BAALC: variants seen among roughly 807,000 people sequenced by gnomAD.
BAALC encodes BAALC binder of MAP3K1 and KLF4.
A neutral mutation model predicts 15.5 loss-of-function variants in BAALC; 9 were observed. The observed-to-expected ratio is 0.58, with a 90% CI of 0.35 to 1.02. The LOEUF is 1.02. BAALC is among the 50% of genes least tolerant of loss of function. The pLI, the probability that BAALC is intolerant of heterozygous loss-of-function variation, is 0.02. For synonymous variants in BAALC, 80 were observed against 74.6 expected, an observed-to-expected ratio of 1.07 and a Z score of -0.37; for missense variants, 201 against 192.4, an observed-to-expected ratio of 1.04 and a Z score of -0.27.
intron 1 of BAALC, among the ~76,000 whole-genome samples, chr8:103,184,453 G>T (rs1159359150): frequency 6.6e-6 from 1 of 152,186 alleles, no homozygotes; most frequent in Non-Finnish European, 1.5e-5. Flanking sequence ...GGCAGACAGT[G>T]TTAGGTACTT....
At chr8:103,145,226 C>T (rs936713481) in intron 1 of BAALC, among the ~76,000 whole-genome samples, 17 of 152,234 alleles carry the variant, frequency 1.1e-4, no homozygotes, top group Non-Finnish European at 2.1e-4. Flanking sequence ...GGAGGCTTTC[C>T]CATAACTTTA....
chr8:103,143,299 C>T (rs1469231628), intron 1 of BAALC, among the ~76,000 whole-genome samples: 3 of 152,114 alleles, frequency 2.0e-5, no homozygotes, highest in African/African-American at 7.2e-5. Flanking sequence ...ACCTCACCCA[C>T]CCCCTGCCAG....
In BAALC at chr8:103,229,138, T is replaced by C. The variant is rs1406630560; in HGVS notation, c.*1039T>C. On this transcript the variant is annotated 3_prime_UTR_variant, in exon 3 of 3. Coordinates refer to ENST00000309982, the MANE Select transcript of BAALC (RefSeq NM_024812.3). Reference sequence around the variant, plus strand: ...TATTCATACTGACATTAGATTGATGTGCACTGCATTAGAAATGAGGTAGCT... The same window carrying C: ...TATTCATACTGACATTAGATTGATGCGCACTGCATTAGAAATGAGGTAGCT... The C allele has an allele frequency of 6.6e-6, 1 of 152,204 alleles. No homozygotes were observed. Among genetic ancestry groups the C allele is most frequent in the Non-Finnish European group, 1.5e-5 (1 of 68,034 alleles). 9.4% of individuals were successfully genotyped at this position (152,204 alleles called of 1,614,324 possible).
chr8:103,222,363 T>C (rs1364515728), intron 2 of BAALC, among the ~76,000 whole-genome samples: 2 of 152,210 alleles, frequency 1.3e-5, no homozygotes, highest in East Asian at 1.9e-4. Context: ...GTCAAGAAAA[T>C]ATATTTTGGG....
intron 1 of BAALC, among the ~76,000 whole-genome samples, chr8:103,187,568 C>T (rs377031209): frequency 1.3e-5 from 2 of 152,102 alleles, no homozygotes; most frequent in Non-Finnish European, 2.9e-5. Flanking sequence ...TTAGAGTGGC[C>T]CCCAGGTAGT....
At chr8:103,185,735 G>T (rs1263862899) in intron 1 of BAALC, among the ~76,000 whole-genome samples, 1 of 152,164 alleles carries the variant, frequency 6.6e-6, no homozygotes. Context: ...TCCCCAAAAT[G>T]GTACCATTTT....
At chr8:103,165,455 G>A (rs1439976024) in intron 1 of BAALC, 1 of 152,186 alleles carries the variant, frequency 6.6e-6, no homozygotes, top group African/African-American at 2.4e-5. Flanking sequence ...GGAGTAAGGT[G>A]AAGGAAAAGC....
chr8:103,213,362 T>C (rs968548935), intron 2 of BAALC: 2 of 337,500 alleles, frequency 5.9e-6, no homozygotes, highest in Admixed American at 7.9e-5. Context: ...ATGTTGATGG[T>C]GAGGACTGTG....
At chr8:103,156,501 A>G (rs1027708666) in intron 1 of BAALC, among the ~76,000 whole-genome samples, 1 of 152,140 alleles carries the variant, frequency 6.6e-6, no homozygotes, top group East Asian at 1.9e-4. Flanking sequence ...GAATGTTGGG[A>G]TGCCTTAATC....
chr8:103,197,349 T>G (rs1586422409), intron 1 of BAALC, among the ~76,000 whole-genome samples: 1 of 150,682 alleles, frequency 6.6e-6, no homozygotes, highest in African/African-American at 2.4e-5. Context: ...AAAAAAGAGG[T>G]GGCAGGGAGT....
intron 1 of BAALC, among the ~76,000 whole-genome samples, chr8:103,164,933 TA>T (rs34378905): frequency 6.6e-6 from 1 of 152,126 alleles, no homozygotes; most frequent in Non-Finnish European, 1.5e-5. Flanking sequence ...ACCTGTCCCC[TA>T]AAAAGGCTTG....
intron 1 of BAALC, among the ~76,000 whole-genome samples, chr8:103,188,396 G>C (rs1811893137): frequency 6.6e-6 from 1 of 152,164 alleles, no homozygotes; most frequent in Non-Finnish European, 1.5e-5. Flanking sequence ...ACCCCGCACA[G>C]TCTGAAAGTG....
intron 1 of BAALC, among the ~76,000 whole-genome samples, chr8:103,155,494 G>A (rs925051649): frequency 2.0e-5 from 3 of 152,182 alleles, no homozygotes; most frequent in Non-Finnish European, 2.9e-5. Flanking sequence ...TTTTTACCCT[G>A]TATCGGCCAG....
At chr8:103,208,884 C>A (rs1484456677) in intron 1 of BAALC, among the ~76,000 whole-genome samples, 1 of 152,118 alleles carries the variant, frequency 6.6e-6, no homozygotes, top group Non-Finnish European at 1.5e-5. Flanking sequence ...TGTCCTTCAA[C>A]CCCCAGGAGG....
At chr8:103,219,796 G>A (rs900932480) in intron 2 of BAALC, among the ~76,000 whole-genome samples, 3 of 152,224 alleles carry the variant, frequency 2.0e-5, no homozygotes, top group Admixed American at 1.3e-4. Context: ...CAATTAGGGT[G>A]TGTTATTGTG....
At chr8:103,202,647 G>C (rs186243359) in intron 1 of BAALC, among the ~76,000 whole-genome samples, 8 of 152,328 alleles carry the variant, frequency 5.3e-5, no homozygotes, top group Admixed American at 5.2e-4. Flanking sequence ...TGGGAGGAAG[G>C]CTCTGGTAAA....
At chr8:103,185,148 T>C (rs1330686842) in intron 1 of BAALC, among the ~76,000 whole-genome samples, 3 of 152,012 alleles carry the variant, frequency 2.0e-5, no homozygotes, top group African/African-American at 7.3e-5. Flanking sequence ...TTGCCTCTAT[T>C]GCAAAAGCGT....
chr8:103,226,829 A>C (rs900926732), intron 2 of BAALC, among the ~76,000 whole-genome samples: 1 of 152,110 alleles, frequency 6.6e-6, no homozygotes, highest in Non-Finnish European at 1.5e-5. Context: ...ACCTTATTTA[A>C]TCCATATAAA....
chr8:103,213,134 G>C, intron 2 of BAALC, 49 bp downstream of exon 2: 1 of 1,593,738 alleles, frequency 6.3e-7, no homozygotes, highest in Non-Finnish European at 8.6e-7. Flanking sequence ...ATGGGGGTAG[G>C]GCTTGCTTCA....
Sources: gnomAD v4.1 joint callset for allele counts (sites outside exome capture counted in the v4.1 genomes callset) on GRCh38, gnomAD v4.1.1 for gene constraint, MANE v1.5 for transcripts, NCBI Gene and HGNC (gene_info 2026-07-23, HGNC 2026-07-21) for gene names.